Variants in WARS2 observed in about 807,000 individuals in gnomAD.
WARS2 encodes tryptophan--tRNA ligase, mitochondrial.
In WARS2, 28 loss-of-function variants were observed where a neutral mutation model predicts 36.5. The ratio of observed to expected loss-of-function variants is 0.77; its 90% CI spans 0.57 to 1.05. The LOEUF (loss-of-function observed/expected upper bound fraction) is 1.05, where lower values mean the gene tolerates loss of function less well. Among genes scored for constraint, WARS2 ranks in the 50% least tolerant of loss-of-function variants. WARS2 has a pLI of 0.00. For missense variants in WARS2, 435 were observed against 456.8 expected, an observed-to-expected ratio of 0.95 and a Z score of 0.44; for synonymous variants, 174 against 178.4, an observed-to-expected ratio of 0.98 and a Z score of 0.20.
At chr1:119,136,384 G>A (rs587692502) in intron 1 of WARS2, among the ~76,000 whole-genome samples, 1 of 152,174 alleles carries the variant, frequency 6.6e-6, no homozygotes, top group Admixed American at 6.5e-5. Flanking sequence ...ATATTGCAAA[G>A]AATTTAAATA....
chr1:119,110,820 T>A (rs985890024), intron 1 of WARS2, among the ~76,000 whole-genome samples: 2 of 152,244 alleles, frequency 1.3e-5, no homozygotes, highest in Middle Eastern at 3.4e-3. Flanking sequence ...TCTTGGATAT[T>A]CTTTTCTTGT....
intron 1 of WARS2, among the ~76,000 whole-genome samples, chr1:119,114,457 A>G (rs1654841261): frequency 6.6e-6 from 1 of 152,252 alleles, no homozygotes; most frequent in South Asian, 2.1e-4. Flanking sequence ...GTTCTGGAGT[A>G]AAGTCCCTAA....
intron 2 of WARS2, among the ~76,000 whole-genome samples, chr1:119,074,012 G>C (rs1481333536): frequency 6.6e-6 from 1 of 152,192 alleles, no homozygotes; most frequent in Admixed American, 6.5e-5. Flanking sequence ...TCTACAAGAA[G>C]TATGGAAATA....
chr1:119,131,900 G>C (rs1346135050), intron 1 of WARS2, among the ~76,000 whole-genome samples: 1 of 152,010 alleles, frequency 6.6e-6, no homozygotes, highest in Non-Finnish European at 1.5e-5. Context: ...TAGGGGGTGT[G>C]GTGGGGGGCG....
At position 119,135,617 on chromosome 1, in the gene WARS2, GT is replaced by G. The variant is rs200153113; in HGVS notation, c.90+4937del. ...GTATGAAGTAAATAAGATAAAGTAT[GT>G]AAAACACATACCATGAGACTTTAGC... On this transcript the variant is annotated intron_variant, in intron 1 of 5. Transcript: ENST00000235521. 7.7e-3 allele frequency among the ~76,000 whole-genome samples: 1,172 copies of G among 152,254 alleles called. 12 individuals carry two copies. The highest frequency in any genetic ancestry group is 0.027 in the African/African-American group (1,106 of 41,546).
At chr1:119,136,398 T>C (rs974650148) in intron 1 of WARS2, among the ~76,000 whole-genome samples, 21 of 152,338 alleles carry the variant, frequency 1.4e-4, no homozygotes, top group African/African-American at 4.8e-4. Context: ...TTAAATATTA[T>C]TATCATTTTA....
Position 119,072,671 on chromosome 1 carries a change from T to C in WARS2, c.348+3679A>G, listed in dbSNP as rs587747358. Among the ~76,000 whole-genome samples, 3 of 152,288 alleles carry C rather than the reference T, an allele frequency of 2.0e-5. No individual in the cohort carries two copies. The South Asian group carries it at 6.2e-4, about 32-fold the overall frequency. ...TAGATCTTCACTCAAACAAGCCTAC[T>C]ATAAAAGTCATTTTTGGGAGAGTCA... is the stretch of plus-strand genomic sequence containing the variant. On this transcript the variant is annotated intron_variant, in intron 2 of 5. Coordinates refer to ENST00000235521, the MANE Select transcript of WARS2 (RefSeq NM_015836.4).
chr1:119,108,538 T>G (rs1225581102), intron 1 of WARS2, among the ~76,000 whole-genome samples: 1 of 127,370 alleles, frequency 7.9e-6, no homozygotes, highest in East Asian at 5.4e-4. Flanking sequence ...ATATTCCTTC[T>G]TTCATTTATG....
At position 119,105,019 on chromosome 1, in the gene WARS2, G is replaced by C. The variant is rs75462566; in HGVS notation, c.91-28412C>G. On this transcript the variant is annotated intron_variant, in intron 1 of 5. Transcript: ENST00000235521. ...CTGGCCTCTAGATCAAGAAATGATA[G>C]AAGGCAGTCAAGAATCCAAGCAGGA... is the stretch of plus-strand genomic sequence containing the variant. Among the ~76,000 whole-genome samples the C allele has an allele frequency of 7.8e-3, 1,184 of 152,266 alleles. 13 individuals carry two copies. Among genetic ancestry groups the C allele is most frequent in the African/African-American group, 0.027 (1,125 of 41,558 alleles).
At chr1:119,035,218 G>A (rs1156990799) in intron 4 of WARS2, among the ~76,000 whole-genome samples, 1 of 152,140 alleles carries the variant, frequency 6.6e-6, no homozygotes. Context: ...GAAGCAATAT[G>A]GCGGGATTAA....
At chr1:119,124,466 G>A (rs1456067903) in intron 1 of WARS2, among the ~76,000 whole-genome samples, 1 of 151,998 alleles carries the variant, frequency 6.6e-6, no homozygotes, top group East Asian at 1.9e-4. Flanking sequence ...CTCCAGCCTG[G>A]GTGACAGAGT....
rs374026714 is a variant in WARS2 at position 119,033,117 on chromosome 1, G to C, written c.877C>G (p.Arg293Gly). 3.1e-6 allele frequency: 5 copies of C among 1,614,008 alleles called. No individual in the cohort carries two copies. In the African/African-American group the frequency reaches 6.7e-5, roughly 22 times the overall value. The change falls in exon 6 of 6, where the codon CGC (arginine) becomes GGC (glycine). Residue 293 changes from arginine (R) to glycine (G), a missense_variant. Arg to Gly is a moderately radical substitution (Grantham distance 125). Transcript: ENST00000235521. Reference protein sequence around the residue: ...TGLSVEEVVRRSAGMNTARYK... With the variant: ...TGLSVEEVVRGSAGMNTARYK... ...CGAGCAGTGTTCATGCCCGCGCTGC[G>C]GCGCACCACTTCCTCCACGGAGAGC... is the stretch of plus-strand genomic sequence containing the variant.
intron 4 of WARS2, among the ~76,000 whole-genome samples, chr1:119,037,255 TCTC>T (rs988412779): frequency 2.6e-5 from 4 of 152,302 alleles, no homozygotes; most frequent in African/African-American, 9.6e-5. Context: ...CCTCTGATCT[TCTC>T]CTTTGGTGAC....
At chr1:119,070,555 C>A (rs1177750511) in intron 2 of WARS2, among the ~76,000 whole-genome samples, 1 of 151,588 alleles carries the variant, frequency 6.6e-6, no homozygotes, top group Non-Finnish European at 1.5e-5. Flanking sequence ...GTGTGAGCCA[C>A]CATGTCCAGC....
Position 119,085,415 on chromosome 1 carries a change from T to TGGTTGCTCTGCCTGTACCTCCCAGTC in WARS2, c.91-8834_91-8809dup, listed in dbSNP as rs1300287187. 4 of 1,449,818 alleles carry TGGTTGCTCTGCCTGTACCTCCCAGTC rather than the reference T, an allele frequency of 2.8e-6. No individual in the cohort carries two copies. The African/African-American group carries it at 4.3e-5, about 15-fold the overall frequency. The allele number at this position is 1,449,818 out of a possible 1,614,324, so 89.8% of individuals were successfully genotyped here. A position where few individuals can be genotyped will look rare whatever the true frequency, so the allele number is the denominator to read the frequency against. The stretch of plus-strand genomic sequence containing the variant: ...TCTTGCTTCTGGGTGACGAAGAGGA[T>TGGTTGCTCTGCCTGTACCTCCCAGTC]GGTTGCTCTGCCTGTACCTCCCAGT... On this transcript the variant is annotated intron_variant, in intron 1 of 5. Coordinates refer to ENST00000235521, the MANE Select transcript of WARS2 (RefSeq NM_015836.4).
intron 1 of WARS2, among the ~76,000 whole-genome samples, chr1:119,086,424 T>C (rs1311448275): frequency 1.3e-5 from 2 of 152,220 alleles, no homozygotes; most frequent in Non-Finnish European, 2.9e-5. Context: ...CTAGTTTTAA[T>C]ACTTTTCTAA....
intron 1 of WARS2, among the ~76,000 whole-genome samples, chr1:119,125,696 T>G (rs931611557): frequency 6.6e-6 from 1 of 152,174 alleles, no homozygotes; most frequent in Non-Finnish European, 1.5e-5. Flanking sequence ...AGAGTAGATA[T>G]TTACACTTAT....
At position 119,086,163 on chromosome 1, in the gene WARS2, A is replaced by C. The variant is rs587655771; in HGVS notation, c.91-9556T>G. On this transcript the variant is annotated intron_variant, in intron 1 of 5. Transcript: ENST00000235521. ...GTGTGAGCAATTGCACCCAGCCTTC[A>C]TAAGAAAATTCTAACATTGATTTTC... Among the ~76,000 whole-genome samples the C allele has an allele frequency of 2.7e-3, 413 of 152,330 alleles. 2 individuals are homozygous for C. Among genetic ancestry groups the C allele is most frequent in the African/African-American group, 9.5e-3 (396 of 41,580 alleles).
At chr1:119,048,509 A>G (rs1317916714) in intron 2 of WARS2, among the ~76,000 whole-genome samples, 1 of 152,218 alleles carries the variant, frequency 6.6e-6, no homozygotes, top group Non-Finnish European at 1.5e-5. Flanking sequence ...GTGATCCCGT[A>G]CGCCCTTAAC....
Sources: gnomAD v4.1 joint callset for allele counts (sites outside exome capture counted in the v4.1 genomes callset) on GRCh38, gnomAD v4.1.1 for gene constraint, MANE v1.5 for transcripts, NCBI Gene and HGNC (gene_info 2026-07-23, HGNC 2026-07-21) for gene names.